The following BTRC variants were observed in gnomAD, a reference collection of about 807,000 sequenced individuals.
The protein encoded by BTRC is F-box/WD repeat-containing protein 1A.
In BTRC, 42 loss-of-function variants were observed where a neutral mutation model predicts 85.5. The ratio of observed to expected loss-of-function variants is 0.49; its 90% CI spans 0.38 to 0.64. The LOEUF is 0.64. Among genes scored for constraint, BTRC ranks in the 30% least tolerant of loss-of-function variants. The pLI, the probability that BTRC is intolerant of heterozygous loss-of-function variation, is 0.00. For missense variants in BTRC, 594 were observed against 743.5 expected, an observed-to-expected ratio of 0.80 and a Z score of 2.34; for synonymous variants, 255 against 263.3, an observed-to-expected ratio of 0.97 and a Z score of 0.30.
chr10:101,517,858 C>T (rs902145515), intron 4 of BTRC, among the ~76,000 whole-genome samples: 10 of 151,826 alleles, frequency 6.6e-5, no homozygotes, highest in African/African-American at 2.4e-4. Flanking sequence ...CCATAGCTAC[C>T]ACTGTGGTCC....
chr10:101,460,913 G>GTTGT (rs889324059), intron 2 of BTRC, among the ~76,000 whole-genome samples: 1 of 152,036 alleles, frequency 6.6e-6, no homozygotes, highest in African/African-American at 2.4e-5. Flanking sequence ...TTTTGTTGTT[G>GTTGT]TTGTTTTGAG....
intron 2 of BTRC, among the ~76,000 whole-genome samples, chr10:101,447,137 A>G (rs1258879018): frequency 6.6e-6 from 1 of 152,320 alleles, no homozygotes; most frequent in African/African-American, 2.4e-5. Context: ...TAGAGCAGCT[A>G]TTTCAGGAAT....
Position 101,534,788 on chromosome 10 carries a change from G to T in BTRC, c.1225G>T (p.Asp409Tyr). ...CSKDRSIAVW[D>Y]MASPTDITLR... Reference sequence around the variant, plus strand: ...CAAAGATCGTTCCATTGCTGTATGGGATATGGCCTCCCCAACTGACATTAC... The same window carrying T: ...CAAAGATCGTTCCATTGCTGTATGGTATATGGCCTCCCCAACTGACATTAC... Residue 409 changes from aspartate to tyrosine, a missense_variant, in exon 10 of 15, where the codon GAT becomes TAT. By Grantham distance (160) the Asp-to-Tyr change is radical (BLOSUM62 -3). This residue lies in a region of BTRC where 373 missense variants were observed against 503.6 expected (regional missense o/e 0.74). Transcript: ENST00000370187. The T allele has an allele frequency of 6.2e-7, 1 of 1,614,192 alleles. No homozygotes were observed. Among genetic ancestry groups the T allele is most frequent in the South Asian group, 1.1e-5 (1 of 91,082 alleles).
chr10:101,354,138 G>A (rs779327428), upstream of BTRC: 5 of 1,547,356 alleles, frequency 3.2e-6, no homozygotes, highest in South Asian at 6.0e-5. Context: ...TGGCACCAAA[G>A]GGGCGGCCCC....
chr10:101,385,227 C>T (rs1346508224), intron 1 of BTRC, among the ~76,000 whole-genome samples: 9 of 150,468 alleles, frequency 6.0e-5, no homozygotes, highest in Non-Finnish European at 8.9e-5. Context: ...ATTAGCCGGG[C>T]GTGGTGGCGG....
intron 1 of BTRC, among the ~76,000 whole-genome samples, chr10:101,385,801 C>T (rs1393754107): frequency 1.3e-5 from 2 of 149,374 alleles, no homozygotes; most frequent in African/African-American, 2.4e-5. Flanking sequence ...TATCTATGGA[C>T]CCTGGGTTAA....
intron 6 of BTRC, among the ~76,000 whole-genome samples, chr10:101,526,511 C>G (rs1463326239): frequency 2.6e-5 from 4 of 152,318 alleles, no homozygotes; most frequent in East Asian, 1.9e-4. Context: ...GGGCACAGTG[C>G]GTTCACGCCT....
intron 4 of BTRC, among the ~76,000 whole-genome samples, chr10:101,491,058 C>A (rs1279471485): frequency 6.8e-6 from 1 of 146,700 alleles, no homozygotes; most frequent in Admixed American, 6.8e-5. Context: ...GACTCTGTCT[C>A]AAAAAAAAAA....
At chr10:101,422,085 C>T (rs1944117999) in intron 1 of BTRC, among the ~76,000 whole-genome samples, 1 of 152,188 alleles carries the variant, frequency 6.6e-6, no homozygotes, top group South Asian at 2.1e-4. Context: ...TACAGTCCCA[C>T]CAACAGTGTA....
At chr10:101,528,708 A>C (rs1468595270) in intron 6 of BTRC, among the ~76,000 whole-genome samples, 1 of 152,150 alleles carries the variant, frequency 6.6e-6, no homozygotes, top group Non-Finnish European at 1.5e-5. Context: ...TTTTTAAAAA[A>C]AAATTTACTC....
chr10:101,439,425 T>C (rs572305858), intron 2 of BTRC, among the ~76,000 whole-genome samples: 1 of 152,344 alleles, frequency 6.6e-6, no homozygotes, highest in East Asian at 1.9e-4. Flanking sequence ...CTGATTGCTG[T>C]TCCCTTTGGC....
chr10:101,447,108 G>A (rs1441590690), intron 2 of BTRC, among the ~76,000 whole-genome samples: 2 of 152,062 alleles, frequency 1.3e-5, no homozygotes, highest in African/African-American at 2.4e-5. Flanking sequence ...CTTGAGGGAC[G>A]CAAGTAATAG....
intron 3 of BTRC, among the ~76,000 whole-genome samples, chr10:101,475,953 A>ATATATATATATATATATATAT (rs1265691229): frequency 1.0e-4 from 14 of 133,800 alleles, no homozygotes; most frequent in African/African-American, 2.9e-4. Flanking sequence ...ATATATATAT[A>ATATATATATATATATATATAT]TTCAGTAATT....
intron 13 of BTRC, among the ~76,000 whole-genome samples, chr10:101,540,771 A>G (rs1191091891): frequency 6.6e-6 from 1 of 152,200 alleles, no homozygotes; most frequent in East Asian, 1.9e-4. Flanking sequence ...TGCTTGGATT[A>G]TAGGCCTGAG....
At chr10:101,479,296 C>T (rs1044465864) in intron 3 of BTRC, 72 bp from the exon 4 acceptor site, 8 of 1,116,336 alleles carry the variant, frequency 7.2e-6, no homozygotes, top group Admixed American at 5.6e-5. Flanking sequence ...AGAAATAGAG[C>T]AGAATTTGAA....
chr10:101,354,896 G>C (rs1466426620), intron 1 of BTRC, among the ~76,000 whole-genome samples: 1 of 152,170 alleles, frequency 6.6e-6, no homozygotes, highest in African/African-American at 2.4e-5. Context: ...TGAGGACCTA[G>C]GGCTATAATG....
intron 4 of BTRC, among the ~76,000 whole-genome samples, chr10:101,487,857 A>T (rs1028304641): frequency 1.3e-5 from 2 of 152,116 alleles, no homozygotes; most frequent in Admixed American, 1.3e-4. Context: ...AAAGCAAAAA[A>T]ATCTGTGTTT....
intron 2 of BTRC, among the ~76,000 whole-genome samples, chr10:101,444,409 T>C (rs1944769819): frequency 6.6e-6 from 1 of 152,220 alleles, no homozygotes; most frequent in Non-Finnish European, 1.5e-5. Context: ...TATAAAGTGC[T>C]TCTTTAAACA....
intron 1 of BTRC, among the ~76,000 whole-genome samples, chr10:101,376,857 G>A (rs1329697701): frequency 6.6e-6 from 1 of 151,984 alleles, no homozygotes; most frequent in Non-Finnish European, 1.5e-5. Flanking sequence ...TATTGAATAG[G>A]CATTCCACTC....
Sources: gnomAD v4.1 joint callset for allele counts (sites outside exome capture counted in the v4.1 genomes callset) on GRCh38, gnomAD v4.1.1 for gene constraint, gnomAD v4.1.1 regional missense constraint, MANE v1.5 for transcripts, NCBI Gene and HGNC (gene_info 2026-07-23, HGNC 2026-07-21) for gene names.